CASK: variants seen among roughly 807,000 people sequenced by gnomAD.
The protein encoded by CASK is calcium/calmodulin dependent serine protein kinase.
CASK carries 4 observed loss-of-function variants against 82.9 expected under a neutral mutation model. The ratio of observed to expected loss-of-function variants is 0.05; its 90% CI spans 0.02 to 0.11. The LOEUF is 0.11. Ranked by LOEUF, CASK falls within the 10% of genes least tolerant of loss-of-function variation. The pLI, the probability that CASK is intolerant of heterozygous loss-of-function variation, is 1.00. For missense variants in CASK, 358 were observed against 720.9 expected (o/e 0.50, Z 5.76); for synonymous variants, 259 against 253.5 (o/e 1.02, Z -0.20).
intron 5 of CASK, among the ~76,000 whole-genome samples, chrX:41,685,670 A>G (rs761026235): frequency 2.5e-4 from 28 of 110,789 alleles, no homozygotes; most frequent in African/African-American, 7.9e-4. Flanking sequence ...TTTGGTAAAG[A>G]CAGGTTTTCG....
intron 5 of CASK, among the ~76,000 whole-genome samples, chrX:41,694,919 CAT>C: frequency 8.9e-6 from 1 of 111,893 alleles, no homozygotes; most frequent in East Asian, 2.8e-4. Flanking sequence ...ATGAATGCCA[CAT>C]ATGAGGGAAA....
chrX:41,883,376 T>TA (rs564090495), intron 1 of CASK, among the ~76,000 whole-genome samples: 402 of 111,687 alleles, frequency 3.6e-3, no homozygotes, highest in Non-Finnish European at 6.3e-3. Context: ...GTGGCTGTCT[T>TA]AGCAGGAGAT....
At chrX:41,596,254 T>G (rs2065820838) in intron 12 of CASK, among the ~76,000 whole-genome samples, 1 of 110,213 alleles carries the variant, frequency 9.1e-6, no homozygotes. Context: ...ATAGGAAATA[T>G]TTTAGGCTTT....
At chrX:41,692,592 C>T (rs1351287974) in intron 5 of CASK, among the ~76,000 whole-genome samples, 1 of 112,734 alleles carries the variant, frequency 8.9e-6, no homozygotes, top group African/African-American at 3.2e-5. Context: ...ACCCTTTTCT[C>T]TATGGCTTTG....
chrX:41,838,173 T>A (rs2070962929), intron 2 of CASK, among the ~76,000 whole-genome samples: 1 of 111,880 alleles, frequency 8.9e-6, no homozygotes, highest in Non-Finnish European at 1.9e-5. Context: ...ATTGTAGCTG[T>A]TCTATTAAGT....
At chrX:41,865,409 G>A (rs1212100769) in intron 1 of CASK, among the ~76,000 whole-genome samples, 1 of 110,949 alleles carries the variant, frequency 9.0e-6, no homozygotes, top group Non-Finnish European at 1.9e-5. Context: ...ATTAGGAAAT[G>A]CTCTTGGCTC....
chrX:41,913,168 G>A (rs1353107155), intron 1 of CASK, among the ~76,000 whole-genome samples: 2 of 111,280 alleles, frequency 1.8e-5, no homozygotes, highest in East Asian at 2.8e-4. Context: ...GAGGATATGT[G>A]CATGAGTGTG....
intron 18 of CASK, chrX:41,558,371 C>T (rs750749315): frequency 9.2e-6 from 1 of 108,985 alleles, no homozygotes; most frequent in African/African-American, 3.3e-5. Context: ...GATACTGGTT[C>T]CACCCCAAAC....
At chrX:41,523,830 T>C in intron 26 of CASK, 121 bp downstream of exon 26, 1 of 577,570 alleles carries the variant, frequency 1.7e-6, no homozygotes. Flanking sequence ...AGCATTCTAT[T>C]CCACATCCCA....
intron 21 of CASK, among the ~76,000 whole-genome samples, chrX:41,544,013 C>T (rs748070314): frequency 1.2e-4 from 14 of 112,079 alleles, no homozygotes; most frequent in Non-Finnish European, 2.6e-4. Flanking sequence ...TGAATTTCCT[C>T]TTTCGTTAAG....
chrX:41,765,433 C>T (rs2069093164), intron 3 of CASK, among the ~76,000 whole-genome samples: 2 of 111,910 alleles, frequency 1.8e-5, no homozygotes, highest in Admixed American at 9.5e-5. Context: ...TATGAAATAA[C>T]GTATGCACAA....
At chrX:41,830,424 T>C in intron 2 of CASK, among the ~76,000 whole-genome samples, 1 of 111,541 alleles carries the variant, frequency 9.0e-6, no homozygotes, top group Middle Eastern at 4.6e-3. Flanking sequence ...GGTCACCATC[T>C]ACTACCATAA....
intron 1 of CASK, 58 bp downstream of exon 1, chrX:41,922,872 C>T (rs1366592383): frequency 3.6e-6 from 4 of 1,097,685 alleles, no homozygotes; most frequent in Non-Finnish European, 5.0e-6. Context: ...TGCGGGAAGA[C>T]CGGGGCATCA....
intron 1 of CASK, among the ~76,000 whole-genome samples, chrX:41,861,791 A>G (rs1039957386): frequency 8.8e-5 from 9 of 102,461 alleles, no homozygotes; most frequent in African/African-American, 2.8e-4. Flanking sequence ...TATTACATGT[A>G]TATATGTATA....
intron 1 of CASK, among the ~76,000 whole-genome samples, chrX:41,895,961 C>T (rs899641368): frequency 5.4e-5 from 6 of 111,763 alleles, no homozygotes; most frequent in Non-Finnish European, 9.4e-5. Context: ...CATCTGGCAA[C>T]TGCCTTTTCT....
chrX:41,731,451 A>G (rs1484954151), intron 5 of CASK, among the ~76,000 whole-genome samples: 1 of 111,743 alleles, frequency 8.9e-6, no homozygotes, highest in East Asian at 2.8e-4. Context: ...AAAAAATACA[A>G]CTTCTAAAAA....
chrX:41,660,551 C>G lies in CASK; in HGVS notation c.719G>C (p.Arg240Thr). ...IIKGKYKMNP[R>T]QWSHISESAK... ...ACTTTCAGAGATATGGCTCCACTGC[C>G]TTGGATTCATCTGAGGAGGAGGAAA... The change falls in exon 8 of 27, where the codon AGG (arginine) becomes ACG (threonine). Residue 240 changes from arginine (R) to threonine (T), a missense_variant. Coordinates refer to ENST00000378163, the MANE Select transcript of CASK (RefSeq NM_001367721.1). The G allele has an allele frequency of 1.7e-6, 2 of 1,205,107 alleles. No individual in the cohort carries two copies. The highest frequency in any genetic ancestry group is 2.2e-6 in the Non-Finnish European group (2 of 889,366).
intron 3 of CASK, among the ~76,000 whole-genome samples, chrX:41,766,512 T>C (rs755204780): frequency 8.0e-5 from 9 of 112,227 alleles, no homozygotes; most frequent in Non-Finnish European, 1.7e-4. Flanking sequence ...TGGCCAATCT[T>C]GTTTCACCTG....
chrX:41,854,224 G>GCGCACACACACACACA (rs1367817089), intron 1 of CASK, among the ~76,000 whole-genome samples: 4 of 81,732 alleles, frequency 4.9e-5, no homozygotes, highest in Non-Finnish European at 2.3e-5. Flanking sequence ...GCGGGCGCGC[G>GCGCACACACACACACA]CACACACACA....
Sources: allele counts gnomAD v4.1 joint callset (sites outside exome capture counted in the v4.1 genomes callset), GRCh38; gene constraint gnomAD v4.1.1; transcripts MANE v1.5; gene names NCBI Gene and HGNC (gene_info 2026-07-23, HGNC 2026-07-21).